Variants in COXFA4L2 observed in about 807,000 individuals in gnomAD.
The protein encoded by COXFA4L2 is NADH dehydrogenase (ubiquinone) 1 alpha subcomplex, 4-like 2.
At chr12:57,236,494 G>T in the COXFA4L2 span, 1 of 1,005,058 alleles carries the variant, frequency 9.9e-7, no homozygotes, top group African/African-American at 1.6e-5. Flanking sequence ...ACAGTCGAAG[G>T]TGCATGCAGC....
chr12:57,240,521 GA>G, the COXFA4L2 span: 1 of 202,390 alleles, frequency 4.9e-6, no homozygotes, highest in Admixed American at 6.5e-5. Flanking sequence ...GAGAGGAATA[GA>G]AATGGGGAAA....
chr12:57,236,304 A>G, the COXFA4L2 span: 2 of 456,128 alleles, frequency 4.4e-6, no homozygotes, highest in South Asian at 3.9e-5. Flanking sequence ...ACTTAGAGGT[A>G]CCCAAAAGCC....
chr12:57,235,115 C>G, the COXFA4L2 span: 18 of 176,442 alleles, frequency 1.0e-4, no homozygotes, highest in Non-Finnish European at 2.0e-4. Context: ...AGGCCCTGGA[C>G]CAGCCCAAGC....
chr12:57,236,067 A>G, the COXFA4L2 span: 1 of 399,426 alleles, frequency 2.5e-6, no homozygotes, highest in Non-Finnish European at 4.4e-6. Context: ...AGGGACTCCC[A>G]CTTGCTGCCT....
the COXFA4L2 span, chr12:57,239,723 TCTCC>T: frequency 6.5e-6 from 1 of 153,360 alleles, no homozygotes; most frequent in Non-Finnish European, 1.5e-5. The surrounding 1 kb of genome is among the most constrained non-coding windows in gnomAD (Gnocchi z 5.5). Flanking sequence ...GTCTGTCTGC[TCTCC>T]CTCTTGCTGC....
the COXFA4L2 span, chr12:57,235,346 G>A: frequency 1.3e-5 from 8 of 598,062 alleles, no homozygotes; most frequent in Middle Eastern, 4.4e-4. Context: ...CCTCCCCCAC[G>A]TGGGACTCAA....
the COXFA4L2 span, chr12:57,235,756 T>TCAGGC: frequency 1.3e-6 from 2 of 1,593,498 alleles, no homozygotes; most frequent in Non-Finnish European, 8.6e-7. Context: ...TACCTTGTAT[T>TCAGGC]GGTCATTGGG....
At chr12:57,238,502 G>T in the COXFA4L2 span, among the ~76,000 whole-genome samples, 1 of 152,190 alleles carries the variant, frequency 6.6e-6, no homozygotes, top group Non-Finnish European at 1.5e-5. The surrounding 1 kb of genome is among the most constrained non-coding windows in gnomAD (Gnocchi z 6.8). Context: ...GGAAGGGAGG[G>T]CGTGTCCTGT....
the COXFA4L2 span, chr12:57,237,210 T>G: frequency 3.2e-6 from 5 of 1,564,894 alleles, no homozygotes; most frequent in Non-Finnish European, 4.3e-6. Context: ...AGCCCGTGCT[T>G]CTTTGGACTC....
At chr12:57,237,624 A>G in the COXFA4L2 span, among the ~76,000 whole-genome samples, 6 of 152,198 alleles carry the variant, frequency 3.9e-5, no homozygotes, top group Non-Finnish European at 8.8e-5. Context: ...CCACACCGTA[A>G]AGCTCCCCCA....
chr12:57,240,556 C>T, the COXFA4L2 span: 1 of 456,676 alleles, frequency 2.2e-6, no homozygotes, highest in Non-Finnish European at 2.9e-6. Context: ...GCGGGAGACT[C>T]ACCCCGGCGC....
the COXFA4L2 span, chr12:57,237,120 C>A: frequency 6.2e-7 from 1 of 1,614,178 alleles, no homozygotes; most frequent in Non-Finnish European, 8.5e-7. Flanking sequence ...TCTGCAGTGG[C>A]TCTGTCCTCT....
the COXFA4L2 span, chr12:57,235,460 G>A: frequency 7.9e-7 from 1 of 1,263,754 alleles, no homozygotes; most frequent in Admixed American, 1.7e-5. Flanking sequence ...GCAGTAGCGG[G>A]ACAGGGTGGC....
the COXFA4L2 span, chr12:57,236,826 A>G: frequency 8.3e-6 from 8 of 963,498 alleles, no homozygotes; most frequent in African/African-American, 9.9e-5. Flanking sequence ...ATTTCCTGGC[A>G]TGGTCTCCCT....
At chr12:57,235,977 TAGC>T in the COXFA4L2 span, among the ~76,000 whole-genome samples, 2 of 152,172 alleles carry the variant, frequency 1.3e-5, no homozygotes, top group Non-Finnish European at 2.9e-5. Flanking sequence ...ACGGTCATAT[TAGC>T]AGGTGCTGAC....
the COXFA4L2 span, chr12:57,236,512 G>T: frequency 8.2e-7 from 1 of 1,214,560 alleles, no homozygotes; most frequent in Admixed American, 2.7e-5. Context: ...AGCAGGGCAC[G>T]GGATCCCCAC....
the COXFA4L2 span, among the ~76,000 whole-genome samples, chr12:57,239,250 C>G: frequency 1.3e-5 from 2 of 152,248 alleles, no homozygotes; most frequent in Non-Finnish European, 2.9e-5. The surrounding 1 kb of genome is among the most constrained non-coding windows in gnomAD (Gnocchi z 5.5). Flanking sequence ...GGCCCCCAAG[C>G]TCGGGGAAGA....
chr12:57,240,267 G>T, the COXFA4L2 span: 1 of 152,128 alleles, frequency 6.6e-6, no homozygotes. Context: ...TATGCAAAGC[G>T]CTCTCCGCCG....
At chr12:57,235,267 G>A in the COXFA4L2 span, 1 of 532,770 alleles carries the variant, frequency 1.9e-6, no homozygotes, top group Non-Finnish European at 3.4e-6. Context: ...ACCCTTCGAG[G>A]CCCGGGTAGG....
Sources: allele counts gnomAD v4.1 joint callset (sites outside exome capture counted in the v4.1 genomes callset), GRCh38; gene constraint gnomAD v4.1.1; non-coding constraint Gnocchi (gnomAD v3.1); transcripts MANE v1.5; gene names NCBI Gene and HGNC (gene_info 2026-07-23, HGNC 2026-07-21).